PARP1: variants seen among roughly 807,000 people sequenced by gnomAD.
The protein encoded by PARP1 is poly(ADP-ribose) polymerase 1, also known as poly [ADP-ribose] polymerase 1.
In PARP1, 44 loss-of-function variants were observed where a neutral mutation model predicts 118.7. The observed-to-expected ratio is 0.37, with a 90% CI of 0.29 to 0.48. The LOEUF is 0.48. Ranked by LOEUF, PARP1 falls within the 20% of genes least tolerant of loss-of-function variation. The probability of loss-of-function intolerance (pLI) is 0.99; values close to 1 mark genes in which losing one functional copy is unlikely to be tolerated. For synonymous variants in PARP1, 492 were observed against 483.2 expected (o/e 1.02, Z -0.24); for missense variants, 1,100 against 1,272.4 (o/e 0.86, Z 2.06).
rs1479953966 is a variant in PARP1, at chr1:226,392,221, C to T, written c.380G>A (p.Gly127Glu). 6 of 1,612,482 alleles carry T rather than the reference C, an allele frequency of 3.7e-6. No individual in the cohort carries two copies. The highest frequency in any genetic ancestry group is 4.5e-5 in the East Asian group (2 of 44,886). ...YAKSNRSTCK[G>E]CMEKIEKGQV... ...TACCTTTTCTATCTTCTCCATACAC[C>T]CCTTGCACGTACTTCTGTTGGACTT... The change falls in exon 3 of 23, where the codon GGG becomes GAG. Residue 127 changes from glycine (G) to glutamate (E), a missense_variant. This residue lies in a region of PARP1 where 948 missense variants were observed against 1,031.8 expected (regional missense o/e 0.92). Transcript: ENST00000366794.
At chr1:226,392,778 A>G (rs191080630) in intron 2 of PARP1, 10 of 637,660 alleles carry the variant, frequency 1.6e-5, no homozygotes, top group African/African-American at 7.5e-5. Context: ...AATATGTACT[A>G]AAGGTATCAT....
At chr1:226,392,114 C>T (rs1664832139) in intron 3 of PARP1, 85 bp downstream of exon 3, 1 of 930,746 alleles carries the variant, frequency 1.1e-6, no homozygotes, top group Admixed American at 1.7e-5. Context: ...CTAAAGCCCC[C>T]ATTTCTTCTT....
At chr1:226,378,437 T>C (rs1198261720) in intron 12 of PARP1, among the ~76,000 whole-genome samples, 1 of 152,118 alleles carries the variant, frequency 6.6e-6, no homozygotes, top group African/African-American at 2.4e-5. Flanking sequence ...CCAACCTCTT[T>C]AGTTACTAGG....
At chr1:226,404,516 G>A (rs1348680359) in intron 1 of PARP1, among the ~76,000 whole-genome samples, 1 of 152,210 alleles carries the variant, frequency 6.6e-6, no homozygotes, top group Non-Finnish European at 1.5e-5. Context: ...CCCCAGACCT[G>A]CTGCCCTTTG....
intron 1 of PARP1, among the ~76,000 whole-genome samples, chr1:226,402,800 C>A (rs1665063353): frequency 6.6e-6 from 1 of 152,264 alleles, no homozygotes; most frequent in South Asian, 2.1e-4. Context: ...AATGGCCAGA[C>A]AACTGCTCCA....
At position 226,391,000 on chromosome 1, in the gene PARP1, CTTT is replaced by C. The variant is rs33944799; in HGVS notation, c.403-379_403-377del. Among the ~76,000 whole-genome samples, 203 of 130,154 alleles carry C rather than the reference CTTT, an allele frequency of 1.6e-3. 1 individual carries two copies. The highest frequency in any genetic ancestry group is 5.1e-3 in the South Asian group (20 of 3,960). 85.4% of individuals were successfully genotyped at this position (130,154 alleles called of 152,430 possible). A position where few individuals can be genotyped will look rare whatever the true frequency, so the allele number is the denominator to read the frequency against. ...ACCTGCGTGGGCTTCCAATGCAGCA[CTTT>C]TTTTTTTTTTTTTTTTGAGACAGGG... On this transcript the variant is annotated intron_variant, in intron 3 of 22. Transcript: ENST00000366794.
chr1:226,407,816 C>T lies in PARP1; in HGVS notation c.114G>A (p.Met38Ile), dbSNP rs764699034. The T allele has an allele frequency of 4.5e-6, 7 of 1,572,002 alleles. No individual in the cohort carries two copies. In the East Asian group the frequency reaches 9.5e-5, roughly 21 times the overall value. The part of the protein sequence containing the change: ...IPKDSLRMAI[M>I]VQSPMFDGKV... The stretch of plus-strand genomic sequence containing the variant: ...CCCGCACAGCGGCCCGCACCTGCAC[C>T]ATGATGGCCATCCGGAGCGAGTCCT... The change falls in exon 1 of 23, where the codon ATG becomes ATA. Residue 38 changes from methionine to isoleucine, a missense_variant. By Grantham distance (10) the Met-to-Ile change is conservative. Coordinates refer to ENST00000366794, the MANE Select transcript of PARP1 (RefSeq NM_001618.4).
At chr1:226,366,242 T>C (rs1664263824) in intron 17 of PARP1, 190 bp from the exon 18 acceptor site, 1 of 594,474 alleles carries the variant, frequency 1.7e-6, no homozygotes, top group East Asian at 2.9e-5. Context: ...TACCTAAGCC[T>C]CCACCTCTTC....
At chr1:226,406,921 G>A (rs753194798) in intron 1 of PARP1, among the ~76,000 whole-genome samples, 11 of 152,184 alleles carry the variant, frequency 7.2e-5, no homozygotes, top group Non-Finnish European at 1.6e-4. Flanking sequence ...GGAAAATCAA[G>A]CTACCTTGAC....
intron 17 of PARP1, 193 bp from the exon 18 acceptor site, chr1:226,366,245 A>G: frequency 1.7e-6 from 1 of 591,176 alleles, no homozygotes; most frequent in Non-Finnish European, 3.1e-6. Flanking sequence ...CTAAGCCTCC[A>G]CCTCTTCATC....
At chr1:226,391,446 C>T (rs1664818121) in intron 3 of PARP1, among the ~76,000 whole-genome samples, 1 of 152,164 alleles carries the variant, frequency 6.6e-6, no homozygotes, top group Non-Finnish European at 1.5e-5. Context: ...CCAGAGAATG[C>T]AGCAGGAGGG....
intron 13 of PARP1, among the ~76,000 whole-genome samples, chr1:226,375,558 G>C (rs1576394258): frequency 6.6e-6 from 1 of 152,102 alleles, no homozygotes; most frequent in South Asian, 2.1e-4. Flanking sequence ...GCCAAACTGA[G>C]GTGTGCTGTA....
chr1:226,390,484 G>A lies in PARP1; in HGVS notation c.543C>T (p.Leu181=), dbSNP rs368950891. The A allele has an allele frequency of 6.8e-6, 11 of 1,614,176 alleles. No individual in the cohort carries two copies. The African/African-American group carries it at 1.2e-4, about 18-fold the overall frequency. The change falls in exon 4 of 23, where the codon CTC becomes CTT. Residue 181 remains leucine (L), a synonymous_variant. Transcript: ENST00000366794. ...GFRPEYSASQ[L]KGFSLLATED... ...CTGTAGCAAGGAGGCTGAAGCCCTT[G>A]AGCTGACTCGCACTGTACTCGGGCC...
chr1:226,374,208 A>T lies in PARP1; in HGVS notation c.2070+18T>A, dbSNP rs574002949. 6.2e-7 allele frequency: 1 copy of T among 1,613,280 alleles called. No individual in the cohort carries two copies. The highest frequency in any genetic ancestry group is 1.1e-5 in the South Asian group (1 of 91,042). Reference sequence around the variant, plus strand: ...TCCACAGCAAATGCTCACAGATAAAATGATAAAGCGCAATAACCTCATACT... The same window carrying T: ...TCCACAGCAAATGCTCACAGATAAATTGATAAAGCGCAATAACCTCATACT... On this transcript the variant is annotated intron_variant, in intron 14 of 22. Transcript: ENST00000366794.
rs750681422 is a variant in PARP1 at position 226,407,835 on chromosome 1, G to C, written c.95C>G (p.Ser32Trp). The change falls in exon 1 of 23, where the codon TCG (serine) becomes TGG (tryptophan). Residue 32 changes from serine (S) to tryptophan (W), a missense_variant. By Grantham distance (177) the Ser-to-Trp change is radical. Coordinates refer to ENST00000366794, the MANE Select transcript of PARP1 (RefSeq NM_001618.4). ...KKCSESIPKD[S>W]LRMAIMVQSP... ...CTGCACCATGATGGCCATCCGGAGCGAGTCCTTGGGGATGCTCTCGCTGCA... is the reference window on the plus strand; with the variant it reads ...CTGCACCATGATGGCCATCCGGAGCCAGTCCTTGGGGATGCTCTCGCTGCA... 2 of 1,590,862 alleles carry C rather than the reference G, an allele frequency of 1.3e-6. No homozygotes were observed. Among genetic ancestry groups the C allele is most frequent in the Admixed American group, 1.8e-5 (1 of 56,120 alleles).
chr1:226,373,096 G>C (rs188510552), intron 14 of PARP1, among the ~76,000 whole-genome samples: 1 of 152,332 alleles, frequency 6.6e-6, no homozygotes, highest in Admixed American at 6.5e-5. Flanking sequence ...GGGAGATACG[G>C]GGTTGGCCCT....
chr1:226,363,495 TTA>T (rs1664193932), intron 20 of PARP1, among the ~76,000 whole-genome samples: 1 of 152,180 alleles, frequency 6.6e-6, no homozygotes, highest in Non-Finnish European at 1.5e-5. Flanking sequence ...GTGCTTTTGG[TTA>T]CAGTTCACAG....
intron 22 of PARP1, 133 bp downstream of exon 22, chr1:226,361,834 GAA>G (rs927905137): frequency 1.4e-6 from 1 of 719,498 alleles, no homozygotes; most frequent in African/African-American, 1.7e-5. Context: ...CCACAGAAGG[GAA>G]ACAGTCACCA....
In PARP1 at chr1:226,361,202, T is replaced by C. The variant is rs1176380134; in HGVS notation, c.*258A>G. 2 of 554,316 alleles carry C rather than the reference T, an allele frequency of 3.6e-6. No homozygotes were observed. The highest frequency in any genetic ancestry group is 3.8e-5 in the African/African-American group (2 of 53,088). The allele number at this position is 554,316 out of a possible 1,614,324, so 34.3% of individuals were successfully genotyped here. A position where few individuals can be genotyped will look rare whatever the true frequency, so the allele number is the denominator to read the frequency against. On this transcript the variant is annotated 3_prime_UTR_variant, in exon 23 of 23. Transcript: ENST00000366794. The stretch of plus-strand genomic sequence containing the variant: ...TGCAACAGAATCTCTCTCCAGCCTT[T>C]TCTCTATGTCAGTTTTATCTACCTG...
Sources: allele counts gnomAD v4.1 joint callset (sites outside exome capture counted in the v4.1 genomes callset), GRCh38; gene constraint gnomAD v4.1.1; regional missense constraint gnomAD v4.1.1; transcripts MANE v1.5; gene names NCBI Gene and HGNC (gene_info 2026-07-23, HGNC 2026-07-21).